PRKD1: variants seen among roughly 807,000 people sequenced by gnomAD.
PRKD1 encodes protein kinase D1.
Under a neutral mutation model 95.9 loss-of-function variants are expected in PRKD1, and 63 were observed. The observed-to-expected ratio is 0.66, with a 90% CI of 0.54 to 0.81. The LOEUF (loss-of-function observed/expected upper bound fraction) is 0.81, where lower values mean the gene tolerates loss of function less well. PRKD1 is among the 30% of genes least tolerant of loss of function. The probability of loss-of-function intolerance (pLI) is 0.00; values close to 1 mark genes in which losing one functional copy is unlikely to be tolerated. For missense variants in PRKD1, 1,048 were observed against 1,165.3 expected, an observed-to-expected ratio of 0.90 and a Z score of 1.47; for synonymous variants, 425 against 423.1, an observed-to-expected ratio of 1.00 and a Z score of -0.05.
intron 2 of PRKD1, among the ~76,000 whole-genome samples, chr14:29,712,580 G>C (rs1048927777): frequency 6.6e-6 from 1 of 152,158 alleles, no homozygotes; most frequent in African/African-American, 2.4e-5. Context: ...CCTGAAGTCA[G>C]CACTGGTAGC....
intron 2 of PRKD1, among the ~76,000 whole-genome samples, chr14:29,720,857 A>T (rs981858871): frequency 2.6e-5 from 4 of 152,180 alleles, no homozygotes; most frequent in African/African-American, 9.7e-5. Flanking sequence ...TCATGAAGGA[A>T]ATCAATGATA....
chr14:29,598,895 T>C lies in PRKD1; in HGVS notation c.2166+132A>G, dbSNP rs571178279. The C allele has an allele frequency of 1.1e-5, 9 of 796,318 alleles. No individual in the cohort carries two copies. In the South Asian group the frequency reaches 1.5e-4, roughly 13 times the overall value. The allele number at this position is 796,318 out of a possible 1,614,324, so 49.3% of individuals were successfully genotyped here. On this transcript the variant is annotated intron_variant, in intron 15 of 17. Coordinates refer to ENST00000331968, the MANE Select transcript of PRKD1 (RefSeq NM_002742.3). ...AAGGCCATAGTCCCAAAGTAACAAA[T>C]GAATAAAAATGGATAGAAAACACTT...
chr14:29,615,639 C>T (rs147323211), intron 13 of PRKD1, among the ~76,000 whole-genome samples: 1 of 152,272 alleles, frequency 6.6e-6, no homozygotes, highest in Non-Finnish European at 1.5e-5. Flanking sequence ...CACTGTGCTT[C>T]CACAGCGATT....
intron 1 of PRKD1, among the ~76,000 whole-genome samples, chr14:29,896,164 G>C (rs1894117128): frequency 6.6e-6 from 1 of 152,112 alleles, no homozygotes; most frequent in Admixed American, 6.5e-5. Context: ...CCCAAACCCT[G>C]TAAGGTAATA....
At chr14:29,797,138 G>A (rs1889852290) in intron 1 of PRKD1, among the ~76,000 whole-genome samples, 1 of 152,122 alleles carries the variant, frequency 6.6e-6, no homozygotes, top group Admixed American at 6.5e-5. Flanking sequence ...GGAATTTACA[G>A]GCACCCTAAC....
intron 1 of PRKD1, among the ~76,000 whole-genome samples, chr14:29,807,941 C>T (rs1890306070): frequency 1.3e-5 from 2 of 151,988 alleles, no homozygotes; most frequent in African/African-American, 4.8e-5. Context: ...AGGCTGGTCT[C>T]GAACTCCTAG....
intron 1 of PRKD1, among the ~76,000 whole-genome samples, chr14:29,856,082 G>T (rs746051310): frequency 6.6e-6 from 1 of 152,114 alleles, no homozygotes; most frequent in Non-Finnish European, 1.5e-5. Context: ...TATGCATCTG[G>T]ATGAAGGATG....
intron 1 of PRKD1, among the ~76,000 whole-genome samples, chr14:29,732,337 T>C (rs1886481207): frequency 6.6e-6 from 1 of 151,998 alleles, no homozygotes; most frequent in Non-Finnish European, 1.5e-5. Flanking sequence ...TCTTTTTATC[T>C]TCTCTCCTGG....
chr14:29,614,497 A>T (rs1006484443), intron 13 of PRKD1, among the ~76,000 whole-genome samples: 7 of 152,312 alleles, frequency 4.6e-5, no homozygotes, highest in African/African-American at 1.7e-4. Flanking sequence ...ACTAAATTTA[A>T]TTCGATTTCA....
intron 2 of PRKD1, among the ~76,000 whole-genome samples, chr14:29,704,662 A>C (rs191536782): frequency 3.9e-5 from 6 of 152,166 alleles, no homozygotes; most frequent in Non-Finnish European, 8.8e-5. Context: ...GAGCCTGTGT[A>C]TCCCCTCAAC....
chr14:29,881,478 C>A (rs971943810), intron 1 of PRKD1, among the ~76,000 whole-genome samples: 3 of 152,020 alleles, frequency 2.0e-5, no homozygotes, highest in Non-Finnish European at 1.5e-5. Flanking sequence ...ACTAACACAC[C>A]ACATTTCCTT....
intron 1 of PRKD1, among the ~76,000 whole-genome samples, chr14:29,847,667 T>C (rs962970070): frequency 3.9e-5 from 6 of 152,214 alleles, no homozygotes; most frequent in African/African-American, 1.4e-4. Flanking sequence ...TCAAAGCAAC[T>C]ACAATCCTCT....
At chr14:29,594,082 TTACCA>T in intron 16 of PRKD1, 1 of 451,116 alleles carries the variant, frequency 2.2e-6, no homozygotes, top group South Asian at 1.6e-5. Context: ...AGCAAATCAC[TTACCA>T]GAGGATTGCT....
chr14:29,923,690 C>T (rs1359921466), intron 1 of PRKD1, among the ~76,000 whole-genome samples: 1 of 151,660 alleles, frequency 6.6e-6, no homozygotes, highest in East Asian at 1.9e-4. Flanking sequence ...AATGCTATTA[C>T]TCCATTTAAG....
chr14:29,787,047 G>A (rs1030253881), intron 1 of PRKD1, among the ~76,000 whole-genome samples: 2 of 151,608 alleles, frequency 1.3e-5, no homozygotes, highest in Non-Finnish European at 2.9e-5. Flanking sequence ...CATTTGTTCC[G>A]AGACGTTTTT....
chr14:29,885,424 T>G (rs899054741), intron 1 of PRKD1, among the ~76,000 whole-genome samples: 1 of 152,180 alleles, frequency 6.6e-6, no homozygotes, highest in Non-Finnish European at 1.5e-5. Flanking sequence ...AAAATACCTA[T>G]GTTTTTAACT....
At chr14:29,583,525 C>A (rs45558532) in intron 16 of PRKD1, among the ~76,000 whole-genome samples, 1 of 152,100 alleles carries the variant, frequency 6.6e-6, no homozygotes, top group African/African-American at 2.4e-5. Context: ...TCTGATTATA[C>A]CTCCTCATTT....
intron 1 of PRKD1, among the ~76,000 whole-genome samples, chr14:29,882,171 TG>T (rs1893536690): frequency 6.6e-6 from 1 of 152,260 alleles, no homozygotes; most frequent in Non-Finnish European, 1.5e-5. Flanking sequence ...AAAGCATTTC[TG>T]CTAAATACAT....
In PRKD1 at chr14:29,926,318, C is replaced by T. The variant is rs547211731; in HGVS notation, c.264+931G>A. On this transcript the variant is annotated intron_variant, in intron 1 of 17. Coordinates refer to ENST00000331968, the MANE Select transcript of PRKD1 (RefSeq NM_002742.3). ...GAGACCTCTGTCTCCACTCCTGAAACGCTGGCTGTTTACACTAAGAAGACT... is the reference window on the plus strand; with the variant it reads ...GAGACCTCTGTCTCCACTCCTGAAATGCTGGCTGTTTACACTAAGAAGACT... Among the ~76,000 whole-genome samples the T allele has an allele frequency of 1.0e-3, 154 of 152,368 alleles. 1 individual carries two copies. The highest frequency in any genetic ancestry group is 1.4e-3 in the Non-Finnish European group (97 of 68,044).
Sources: allele counts gnomAD v4.1 joint callset (sites outside exome capture counted in the v4.1 genomes callset), GRCh38; gene constraint gnomAD v4.1.1; transcripts MANE v1.5; gene names NCBI Gene and HGNC (gene_info 2026-07-23, HGNC 2026-07-21).